NRP2: variants seen among roughly 807,000 people sequenced by gnomAD.
The protein encoded by NRP2 is neuropilin 2, also known as neuropilin-2.
In NRP2, 52 loss-of-function variants were observed where a neutral mutation model predicts 110.4. The observed-to-expected ratio is 0.47, with a 90% CI of 0.38 to 0.59. The LOEUF (loss-of-function observed/expected upper bound fraction) is 0.59, where lower values mean the gene tolerates loss of function less well. Among genes scored for constraint, NRP2 ranks in the 20% least tolerant of loss-of-function variants. The pLI is 0.00. For synonymous variants in NRP2, 508 were observed against 468.9 expected (o/e 1.08, Z -1.08); for missense variants, 1,049 against 1,203.0 (o/e 0.87, Z 1.89).
chr2:205,692,639 C>T (rs1219642344), intron 1 of NRP2, among the ~76,000 whole-genome samples: 2 of 152,064 alleles, frequency 1.3e-5, no homozygotes, highest in South Asian at 4.1e-4. Context: ...TGTTAGTAGA[C>T]CTGATGTGAT....
chr2:205,748,077 C>T (rs1000654597), intron 10 of NRP2, among the ~76,000 whole-genome samples: 11 of 152,112 alleles, frequency 7.2e-5, no homozygotes, highest in South Asian at 4.2e-4. Flanking sequence ...CCTCGGTGCC[C>T]GCCGTTCCTC....
chr2:205,749,974 G>A (rs1214766112), intron 11 of NRP2, 133 bp downstream of exon 11: 1 of 755,314 alleles, frequency 1.3e-6, no homozygotes, highest in Admixed American at 2.0e-5. Context: ...TAAGAGAGGT[G>A]GGGGCACTTA....
intron 15 of NRP2, among the ~76,000 whole-genome samples, chr2:205,772,726 C>T (rs2058041184): frequency 6.6e-6 from 1 of 152,236 alleles, no homozygotes; most frequent in African/African-American, 2.4e-5. Flanking sequence ...CCACCTAGCC[C>T]AGGCTCCTTT....
chr2:205,695,219 G>T (rs763082287), intron 1 of NRP2, among the ~76,000 whole-genome samples: 16 of 152,164 alleles, frequency 1.1e-4, no homozygotes, highest in Non-Finnish European at 1.6e-4. Flanking sequence ...AAAAAGCAAT[G>T]GATGACTCCT....
intron 1 of NRP2, among the ~76,000 whole-genome samples, chr2:205,690,268 G>T (rs1288534671): frequency 6.6e-6 from 1 of 152,116 alleles, no homozygotes; most frequent in Non-Finnish European, 1.5e-5. Context: ...AGTAAAGAGA[G>T]GTTTGCTGAA....
Position 205,776,645 on chromosome 2 carries a change from G to A in NRP2, c.2425+9842G>A, listed in dbSNP as rs1057446612. On this transcript the variant is annotated intron_variant, in intron 15 of 16. Transcript: ENST00000357785. ...GTGAACTCTCAGACATCTCTTTCCCGGATCCCCAACCCTGAGCACTCTTAT... is the reference window on the plus strand; with the variant it reads ...GTGAACTCTCAGACATCTCTTTCCCAGATCCCCAACCCTGAGCACTCTTAT... 63 of 1,576,466 alleles carry A rather than the reference G, an allele frequency of 4.0e-5. 1 individual carries two copies. In the South Asian group the frequency reaches 4.5e-4, roughly 11 times the overall value.
chr2:205,752,830 T>C lies in NRP2; in HGVS notation c.1904-5T>C, dbSNP rs1390297055. On this transcript the variant is annotated splice_region_variant and splice_polypyrimidine_tract_variant and intron_variant, in intron 11 of 16. Coordinates refer to ENST00000357785, the MANE Select transcript of NRP2 (RefSeq NM_003872.3). ...TTCCTTTGGGTTATTGTTTTCCCCT[T>C]TTAGACAAAGATTTGCAGCTCCCTT... 6.2e-7 allele frequency: 1 copy of C among 1,614,122 alleles called. No homozygotes were observed. The highest frequency in any genetic ancestry group is 2.2e-5 in the East Asian group (1 of 44,874).
chr2:205,774,301 T>TGA (rs375129736), intron 15 of NRP2, among the ~76,000 whole-genome samples: 3 of 151,730 alleles, frequency 2.0e-5, no homozygotes, highest in Non-Finnish European at 2.9e-5. Flanking sequence ...GCCACAAATA[T>TGA]GAGAGAGAGA....
intron 2 of NRP2, among the ~76,000 whole-genome samples, chr2:205,711,057 C>T (rs1458479871): frequency 2.0e-5 from 3 of 152,150 alleles, no homozygotes; most frequent in African/African-American, 7.2e-5. Flanking sequence ...CAGATACAAC[C>T]AGAATAGCTC....
intron 12 of NRP2, among the ~76,000 whole-genome samples, chr2:205,758,441 G>A (rs181735885): frequency 6.6e-5 from 10 of 152,300 alleles, no homozygotes; most frequent in African/African-American, 1.2e-4. Context: ...TCGCAGTCAC[G>A]TGTTCACATG....
Position 205,763,836 on chromosome 2 carries a change from C to T in NRP2, c.2207C>T (p.Ala736Val). The T allele has an allele frequency of 6.2e-7, 1 of 1,614,132 alleles. No individual in the cohort carries two copies. Among genetic ancestry groups the T allele is most frequent in the Middle Eastern group, 1.7e-4 (1 of 6,060 alleles). The change falls in exon 13 of 17, where the codon GCC (alanine) becomes GTC (valine). Residue 736 changes from alanine to valine, a missense_variant. By Grantham distance (64) the Ala-to-Val change is moderately conservative (BLOSUM62 0). Coordinates refer to ENST00000357785, the MANE Select transcript of NRP2 (RefSeq NM_003872.3). The surrounding 1 kb of genome is among the most constrained non-coding windows in gnomAD (Gnocchi z 4.0). ...RGVALQVVRE[A>V]SQESKLLWVI... ...GTGGCGCTGCAGGTGGTGCGGGAAGCCAGCCAGGAGAGCAAGTTGCTGTGG... is the reference window on the plus strand; with the variant it reads ...GTGGCGCTGCAGGTGGTGCGGGAAGTCAGCCAGGAGAGCAAGTTGCTGTGG...
chr2:205,769,119 C>A (rs3771003), intron 15 of NRP2, among the ~76,000 whole-genome samples: 49,453 of 151,898 alleles, frequency 0.33, 8,292 homozygotes, highest in East Asian at 0.51. Flanking sequence ...TCTCTTGATC[C>A]GGGCATAAAA....
intron 15 of NRP2, chr2:205,767,544 A>G (rs1158548451): frequency 2.7e-6 from 1 of 374,698 alleles, no homozygotes; most frequent in African/African-American, 2.3e-5. Context: ...GAGCAAAGTG[A>G]GAAGAATTGG....
rs1381380959 is a variant in NRP2 at position 205,763,711 on chromosome 2, G to C, written c.2082G>C (p.Gln694His). ...RNFLRLQSDS[Q>H]REGQYARLIS... Reference sequence around the variant, plus strand: ...TCTTGCGGCTGCAGAGTGACAGCCAGAGAGAGGGCCAGTATGCCCGGCTCA... The same window carrying C: ...TCTTGCGGCTGCAGAGTGACAGCCACAGAGAGGGCCAGTATGCCCGGCTCA... The change falls in exon 13 of 17, where the codon CAG becomes CAC. Residue 694 changes from glutamine to histidine, a missense_variant. Transcript: ENST00000357785. This position sits in a 1 kb window ranked among gnomAD's most constrained non-coding sequence, Gnocchi z 4.0. The C allele has an allele frequency of 6.2e-7, 1 of 1,614,210 alleles. No individual in the cohort carries two copies. Among genetic ancestry groups the C allele is most frequent in the Non-Finnish European group, 8.5e-7 (1 of 1,180,044 alleles).
chr2:205,689,885 G>A (rs1575536980), intron 1 of NRP2, among the ~76,000 whole-genome samples: 1 of 152,140 alleles, frequency 6.6e-6, no homozygotes, highest in Non-Finnish European at 1.5e-5. Flanking sequence ...TCATCATAAA[G>A]ACAAAATAGC....
intron 15 of NRP2, chr2:205,767,645 A>G (rs1201608409): frequency 3.8e-6 from 1 of 262,476 alleles, no homozygotes; most frequent in Non-Finnish European, 7.8e-6. Flanking sequence ...AATGCAGCAG[A>G]TTTTACATTT....
At chr2:205,749,298 C>G (rs2057597764) in intron 10 of NRP2, among the ~76,000 whole-genome samples, 1 of 152,244 alleles carries the variant, frequency 6.6e-6, no homozygotes, top group Non-Finnish European at 1.5e-5. Context: ...GACCTAAAGA[C>G]ATAGCCCCAA....
At chr2:205,689,704 C>T (rs1384803971) in intron 1 of NRP2, among the ~76,000 whole-genome samples, 2 of 152,050 alleles carry the variant, frequency 1.3e-5, no homozygotes, top group Non-Finnish European at 2.9e-5. Flanking sequence ...TTTCAGTATT[C>T]TTACCTCCTA....
At chr2:205,749,678 A>G (rs772734525) in intron 10 of NRP2, 47 bp from the exon 11 acceptor site, 6 of 1,496,108 alleles carry the variant, frequency 4.0e-6, no homozygotes, top group South Asian at 2.3e-5. Context: ...CTGGGTTGCA[A>G]CACAGGCTGC....
Sources: gnomAD v4.1 joint callset for allele counts (sites outside exome capture counted in the v4.1 genomes callset) on GRCh38, gnomAD v4.1.1 for gene constraint, Gnocchi (gnomAD v3.1) non-coding constraint, MANE v1.5 for transcripts, NCBI Gene and HGNC (gene_info 2026-07-23, HGNC 2026-07-21) for gene names.